The following PPP1R9A variants were observed in gnomAD, a reference collection of about 807,000 sequenced individuals.
PPP1R9A encodes the protein neurabin-1.
A neutral mutation model predicts 141.9 loss-of-function variants in PPP1R9A; 59 were observed. That is an observed-to-expected ratio of 0.42 (90% CI 0.34 to 0.52). The LOEUF is 0.52. PPP1R9A is among the 20% of genes least tolerant of loss of function. The pLI is 0.10. For synonymous variants in PPP1R9A, 500 were observed against 569.7 expected, an observed-to-expected ratio of 0.88 and a Z score of 1.74; for missense variants, 1,444 against 1,611.9, an observed-to-expected ratio of 0.90 and a Z score of 1.78.
rs190444625 is a variant in PPP1R9A, at chr7:95,020,931, A to G, written c.1396-90328A>G. Among the ~76,000 whole-genome samples, 8 of 152,300 alleles carry G rather than the reference A, an allele frequency of 5.3e-5. No homozygotes were observed. The East Asian group carries it at 1.4e-3, about 26-fold the overall frequency. On this transcript the variant is annotated intron_variant, in intron 2 of 19. Transcript: ENST00000433360. ...GCTATTGTGAACAGTGCTGCAGTAA[A>G]CATACGTGTGCATGTGTCTTTACAG... is the stretch of plus-strand genomic sequence containing the variant.
intron 2 of PPP1R9A, among the ~76,000 whole-genome samples, chr7:95,082,850 G>A (rs1040841161): frequency 1.3e-4 from 20 of 148,368 alleles, no homozygotes; most frequent in Non-Finnish European, 2.4e-4. Flanking sequence ...CCACCTCCTG[G>A]GTTCACGCCA....
At chr7:95,215,784 A>C (rs1259152739) in intron 7 of PPP1R9A, among the ~76,000 whole-genome samples, 20 of 152,174 alleles carry the variant, frequency 1.3e-4, no homozygotes, top group South Asian at 4.2e-4. Flanking sequence ...TGAGAAGTGT[A>C]TGTTCATATC....
At chr7:94,991,458 T>G (rs1801499380) in intron 2 of PPP1R9A, among the ~76,000 whole-genome samples, 1 of 152,114 alleles carries the variant, frequency 6.6e-6, no homozygotes, top group Non-Finnish European at 1.5e-5. Flanking sequence ...TTGAAAATAT[T>G]TTTTCTTATT....
At chr7:95,029,974 CT>C (rs1807432468) in intron 2 of PPP1R9A, among the ~76,000 whole-genome samples, 1 of 152,160 alleles carries the variant, frequency 6.6e-6, no homozygotes, top group Admixed American at 6.6e-5. Context: ...TACTAGGGCT[CT>C]CGCCTTTGCA....
intron 5 of PPP1R9A, among the ~76,000 whole-genome samples, chr7:95,174,778 T>A (rs1183545355): frequency 6.6e-6 from 1 of 152,176 alleles, no homozygotes; most frequent in African/African-American, 2.4e-5. Context: ...CTAATTTTTT[T>A]ATCAAACATG....
intron 5 of PPP1R9A, among the ~76,000 whole-genome samples, chr7:95,169,506 T>C (rs545086928): frequency 6.6e-6 from 1 of 151,882 alleles, no homozygotes; most frequent in Admixed American, 6.6e-5. Context: ...TGTATGTATA[T>C]TACAAAATAG....
chr7:94,940,195 C>T (rs2150936920), intron 2 of PPP1R9A, among the ~76,000 whole-genome samples: 1 of 152,206 alleles, frequency 6.6e-6, no homozygotes, highest in East Asian at 1.9e-4. Flanking sequence ...CCTTTTATAA[C>T]ATCTTGAGGA....
chr7:95,257,672 C>T (rs1799791791), intron 12 of PPP1R9A, among the ~76,000 whole-genome samples: 1 of 152,062 alleles, frequency 6.6e-6, no homozygotes, highest in Admixed American at 6.6e-5. Context: ...CCTGCTCCCC[C>T]CACCCCACAA....
chr7:94,973,019 A>ATTT (rs369237568), intron 2 of PPP1R9A, among the ~76,000 whole-genome samples: 29 of 152,122 alleles, frequency 1.9e-4, no homozygotes, highest in African/African-American at 6.5e-4. Context: ...TGGACACAAT[A>ATTT]TATTTTTAAA....
intron 2 of PPP1R9A, among the ~76,000 whole-genome samples, chr7:94,955,111 C>A (rs115972810): frequency 0.013 from 2,038 of 151,898 alleles, 50 homozygotes; most frequent in African/African-American, 0.047. Context: ...ACTGTTTATT[C>A]ATGTATCATA....
chr7:94,970,336 A>G (rs1234455992), intron 2 of PPP1R9A, among the ~76,000 whole-genome samples: 6 of 152,162 alleles, frequency 3.9e-5, no homozygotes, highest in Non-Finnish European at 7.4e-5. Flanking sequence ...AAAGTATAGT[A>G]TCTGGGCTGG....
intron 8 of PPP1R9A, among the ~76,000 whole-genome samples, chr7:95,239,073 T>G (rs183032828): frequency 6.6e-6 from 1 of 152,264 alleles, no homozygotes; most frequent in Non-Finnish European, 1.5e-5. Context: ...ATGTGTTGCT[T>G]TTATTGTAGA....
At chr7:95,032,107 GA>G (rs1216726054) in intron 2 of PPP1R9A, among the ~76,000 whole-genome samples, 1 of 152,124 alleles carries the variant, frequency 6.6e-6, no homozygotes, top group Non-Finnish European at 1.5e-5. Flanking sequence ...GAAATTTGGG[GA>G]AACTGAGTCC....
At chr7:95,167,292 A>G (rs961178998) in intron 5 of PPP1R9A, among the ~76,000 whole-genome samples, 72 of 152,252 alleles carry the variant, frequency 4.7e-4, no homozygotes, top group African/African-American at 1.6e-3. Flanking sequence ...TGTCCCCATA[A>G]TTCAATCACT....
rs758523328 is a variant in PPP1R9A at position 95,250,148 on chromosome 7, A to G, written c.2289A>G (p.Thr763=). The part of the protein sequence containing the change: ...KLESYWIEAQ[T]LCHTVNEHLK... ...AAAGCTACTGGATTGAGGCCCAAAC[A>G]TTATGCCACACAGTGAATGAGCATC... The change falls in exon 10 of 20, where the codon ACA becomes ACG. Residue 763 remains threonine (T), a synonymous_variant. Transcript: ENST00000433360. 32 of 1,613,916 alleles carry G rather than the reference A, an allele frequency of 2.0e-5. No homozygotes were observed. The highest frequency in any genetic ancestry group is 2.4e-5 in the Non-Finnish European group (28 of 1,179,954).
chr7:95,099,155 A>G (rs527958476), intron 2 of PPP1R9A, among the ~76,000 whole-genome samples: 1 of 152,248 alleles, frequency 6.6e-6, no homozygotes, highest in Admixed American at 6.5e-5. Context: ...GCTGAGACAC[A>G]TGCTAGAACA....
In PPP1R9A at chr7:95,273,968, G is replaced by A. The variant is rs191403908; in HGVS notation, c.3194G>A (p.Arg1065Gln). 164 of 1,504,406 alleles carry A rather than the reference G, an allele frequency of 1.1e-4. No homozygotes were observed. Among genetic ancestry groups the A allele is most frequent in the African/African-American group, 9.6e-4 (70 of 72,838 alleles). 93.2% of individuals were successfully genotyped at this position (1,504,406 alleles called of 1,614,324 possible). A position where few individuals can be genotyped will look rare whatever the true frequency, so the allele number is the denominator to read the frequency against. The change falls in exon 15 of 20, where the codon CGG becomes CAG. Residue 1065 changes from arginine to glutamine, a missense_variant. Around this residue, in one of 5 missense-constraint regions of PPP1R9A, gnomAD observed 459 missense variants for 513.8 expected, o/e 0.89. Transcript: ENST00000433360. ...SLAVQGGKIK[R>Q]KFVDLGAPLR... ...GCGGTGCAAGGAGGAAAAATTAAGC[G>A]GAAGTTTGTGGATCTGGGGTAAGCA...
At chr7:94,958,486 G>A (rs1023025436) in intron 2 of PPP1R9A, among the ~76,000 whole-genome samples, 3 of 152,130 alleles carry the variant, frequency 2.0e-5, no homozygotes, top group African/African-American at 7.2e-5. Context: ...TTCACCAAGT[G>A]AATGGGTACA....
At chr7:95,043,763 A>G (rs572421897) in intron 2 of PPP1R9A, among the ~76,000 whole-genome samples, 106 of 152,294 alleles carry the variant, frequency 7.0e-4, no homozygotes, top group Admixed American at 3.3e-3. Flanking sequence ...CCAGATAGTC[A>G]CTAGCTGGCA....
Sources: gnomAD v4.1 joint callset for allele counts (sites outside exome capture counted in the v4.1 genomes callset) on GRCh38, gnomAD v4.1.1 for gene constraint, gnomAD v4.1.1 regional missense constraint, MANE v1.5 for transcripts, NCBI Gene and HGNC (gene_info 2026-07-23, HGNC 2026-07-21) for gene names.